Variants in PTCHD4 observed in about 807,000 individuals in gnomAD.
PTCHD4 encodes the protein patched domain-containing protein 4.
PTCHD4 carries 33 observed loss-of-function variants against 58.1 expected under a neutral mutation model. The ratio of observed to expected loss-of-function variants is 0.57; its 90% CI spans 0.43 to 0.76. The LOEUF is 0.76. Ranked by LOEUF, PTCHD4 falls within the 30% of genes least tolerant of loss-of-function variation. The pLI is 0.00. For synonymous variants in PTCHD4, 478 were observed against 409.6 expected (o/e 1.17, Z -2.02); for missense variants, 1,058 against 1,027.1 (o/e 1.03, Z -0.41).
chr6:48,013,064 G>A lies in PTCHD4; in HGVS notation c.418-3950C>T, dbSNP rs1015011433. 6.6e-5 allele frequency among the ~76,000 whole-genome samples: 10 copies of A among 152,178 alleles called. No individual in the cohort carries two copies. In the South Asian group the frequency reaches 1.7e-3, roughly 25 times the overall value. On this transcript the variant is annotated intron_variant, in intron 3 of 4. Coordinates refer to ENST00000339488, the MANE Select transcript of PTCHD4 (RefSeq NM_001384253.1). Reference sequence around the variant, plus strand: ...TTTGGCTGGGTCTCTGCCAGGTTTTGGTATCAGGATGATGCTGGCCTCATA... The same window carrying A: ...TTTGGCTGGGTCTCTGCCAGGTTTTAGTATCAGGATGATGCTGGCCTCATA...
chr6:47,890,482 C>T (rs1406871345), intron 4 of PTCHD4, among the ~76,000 whole-genome samples: 2 of 152,140 alleles, frequency 1.3e-5, no homozygotes, highest in African/African-American at 2.4e-5. Context: ...GTTTCCTCAT[C>T]TGTAAAAAAG....
intron 4 of PTCHD4, among the ~76,000 whole-genome samples, chr6:48,005,589 C>A (rs988211674): frequency 2.0e-5 from 3 of 152,264 alleles, no homozygotes; most frequent in Middle Eastern, 6.8e-3. Context: ...TAGCAATATG[C>A]TTTTATGTCT....
intron 4 of PTCHD4, among the ~76,000 whole-genome samples, chr6:47,929,745 T>C (rs1765745976): frequency 6.6e-6 from 1 of 152,238 alleles, no homozygotes; most frequent in Non-Finnish European, 1.5e-5. Flanking sequence ...CCACTGAGTG[T>C]GCAAAGTCTG....
chr6:48,108,189 T>C (rs1188745379), intron 1 of PTCHD4, among the ~76,000 whole-genome samples: 1 of 152,122 alleles, frequency 6.6e-6, no homozygotes, highest in East Asian at 1.9e-4. Context: ...TAGCAAAGAC[T>C]TGGAACCAAC....
intron 3 of PTCHD4, among the ~76,000 whole-genome samples, chr6:48,014,829 G>A (rs1214147013): frequency 6.6e-6 from 1 of 152,004 alleles, no homozygotes; most frequent in African/African-American, 2.4e-5. Context: ...CCTACTAAAG[G>A]GATGATTCCA....
chr6:47,882,143 A>G (rs1764035967), intron 4 of PTCHD4, among the ~76,000 whole-genome samples: 1 of 152,146 alleles, frequency 6.6e-6, no homozygotes, highest in South Asian at 2.1e-4. Flanking sequence ...AGGTAATTAA[A>G]ATAATTCTTT....
chr6:47,973,131 A>G (rs918622090), intron 4 of PTCHD4, among the ~76,000 whole-genome samples: 2 of 152,190 alleles, frequency 1.3e-5, no homozygotes, highest in African/African-American at 2.4e-5. Context: ...TTATGTATAT[A>G]TTTCACATTT....
chr6:47,862,216 A>G lies in PTCHD4; in HGVS notation c.*16087T>C, dbSNP rs992560866. 6.8e-6 allele frequency among the ~76,000 whole-genome samples: 1 copy of G among 146,908 alleles called. No homozygotes were observed. The highest frequency in any genetic ancestry group is 1.5e-5 in the Non-Finnish European group (1 of 66,642). ...TTTTAATGAATTATCGGTTTTGCCA[A>G]TCATTACTTTTGTTGCATTATGGCT... On this transcript the variant is annotated 3_prime_UTR_variant, in exon 5 of 5. Coordinates refer to ENST00000339488, the MANE Select transcript of PTCHD4 (RefSeq NM_001384253.1).
chr6:47,986,449 T>C (rs941646490), intron 4 of PTCHD4, among the ~76,000 whole-genome samples: 5 of 152,288 alleles, frequency 3.3e-5, no homozygotes, highest in Admixed American at 1.3e-4. Context: ...AAAATTAAAT[T>C]TGAATGCTTT....
intron 3 of PTCHD4, among the ~76,000 whole-genome samples, chr6:48,047,895 A>AT (rs569452058): frequency 6.6e-5 from 10 of 151,814 alleles, no homozygotes; most frequent in South Asian, 6.2e-4. Flanking sequence ...TGTCTATGGT[A>AT]TTTTTGTTAC....
intron 3 of PTCHD4, among the ~76,000 whole-genome samples, chr6:48,033,132 A>C (rs1301401896): frequency 1.3e-5 from 2 of 152,142 alleles, no homozygotes; most frequent in Admixed American, 6.6e-5. Flanking sequence ...CAAAAATTTG[A>C]AATCAACTTA....
intron 1 of PTCHD4, among the ~76,000 whole-genome samples, chr6:48,109,085 A>G (rs1278389013): frequency 6.6e-6 from 1 of 152,126 alleles, no homozygotes; most frequent in Non-Finnish European, 1.5e-5. Context: ...GAAGTAAAAT[A>G]CCTTAACAAA....
chr6:48,076,824 C>A (rs1017845913), intron 1 of PTCHD4, among the ~76,000 whole-genome samples: 3 of 152,188 alleles, frequency 2.0e-5, no homozygotes, highest in African/African-American at 7.2e-5. Context: ...TGTACAGAAA[C>A]AGCAAGATTT....
intron 4 of PTCHD4, among the ~76,000 whole-genome samples, chr6:47,969,192 A>C (rs1035567784): frequency 1.3e-5 from 2 of 152,212 alleles, no homozygotes; most frequent in African/African-American, 4.8e-5. Flanking sequence ...CTGATCATCT[A>C]TTCATCCCGT....
chr6:47,974,760 TA>T (rs1767633042), intron 4 of PTCHD4, among the ~76,000 whole-genome samples: 1 of 152,242 alleles, frequency 6.6e-6, no homozygotes, highest in South Asian at 2.1e-4. Flanking sequence ...GTGTTTAACA[TA>T]TGCTAATATT....
chr6:47,967,319 T>C (rs1299025371), intron 4 of PTCHD4, among the ~76,000 whole-genome samples: 2 of 152,228 alleles, frequency 1.3e-5, no homozygotes, highest in Non-Finnish European at 2.9e-5. Flanking sequence ...GCTTAAAATG[T>C]TCAGGAAACT....
In PTCHD4 at chr6:47,861,511, G is replaced by C. The variant is rs895681567; in HGVS notation, c.*16792C>G. On this transcript the variant is annotated 3_prime_UTR_variant, in exon 5 of 5. Transcript: ENST00000339488. ...GTTTAATACACTAATCAATCATTAGGCATCCTTGCCTTCCTATCTTACCAT... is the reference window on the plus strand; with the variant it reads ...GTTTAATACACTAATCAATCATTAGCCATCCTTGCCTTCCTATCTTACCAT... Among the ~76,000 whole-genome samples, 8 of 151,788 alleles carry C rather than the reference G, an allele frequency of 5.3e-5. No individual in the cohort carries two copies. Among genetic ancestry groups the C allele is most frequent in the African/African-American group, 1.9e-4 (8 of 41,372 alleles).
At chr6:48,072,762 C>T (rs945287621) in intron 1 of PTCHD4, among the ~76,000 whole-genome samples, 1 of 152,128 alleles carries the variant, frequency 6.6e-6, no homozygotes, top group Non-Finnish European at 1.5e-5. Flanking sequence ...ATATTTATGA[C>T]TCCAACTCTC....
chr6:47,964,632 C>T (rs116682151), intron 4 of PTCHD4, among the ~76,000 whole-genome samples: 1,928 of 152,014 alleles, frequency 0.013, 35 homozygotes, highest in African/African-American at 0.04. Context: ...TTGTAAATGT[C>T]GCAAAGTATT....
Sources: gnomAD v4.1 joint callset for allele counts (sites outside exome capture counted in the v4.1 genomes callset) on GRCh38, gnomAD v4.1.1 for gene constraint, MANE v1.5 for transcripts, NCBI Gene and HGNC (gene_info 2026-07-23, HGNC 2026-07-21) for gene names.